The following UTRN variants were observed in gnomAD, a reference collection of about 807,000 sequenced individuals.
UTRN encodes the protein dystrophin-related protein 1.
UTRN carries 283 observed loss-of-function variants against 463.9 expected under a neutral mutation model. That is an observed-to-expected ratio of 0.61 (90% CI 0.55 to 0.67). The LOEUF (loss-of-function observed/expected upper bound fraction) is 0.67, where lower values mean the gene tolerates loss of function less well. Among genes scored for constraint, UTRN ranks in the 30% least tolerant of loss-of-function variants. UTRN has a pLI of 0.00. For synonymous variants in UTRN, 1,442 were observed against 1,431.5 expected (o/e 1.01, Z -0.17); for missense variants, 3,922 against 4,084.3 (o/e 0.96, Z 1.08).
intron 34 of UTRN, among the ~76,000 whole-genome samples, chr6:144,499,896 T>C (rs1794020562): frequency 1.3e-5 from 2 of 152,200 alleles, no homozygotes; most frequent in South Asian, 4.1e-4. Flanking sequence ...TTAATTCACT[T>C]AGGATAATGG....
chr6:144,834,114 T>G (rs1158156898), intron 69 of UTRN, among the ~76,000 whole-genome samples: 4 of 152,222 alleles, frequency 2.6e-5, no homozygotes, highest in Non-Finnish European at 4.4e-5. Context: ...CGCAGCTTAC[T>G]TCAATCCTTA....
chr6:144,511,153 ATCT>A lies in UTRN; in HGVS notation c.4944+34_4944+36del, dbSNP rs775921766. Reference sequence around the variant, plus strand: ...GTCTCAGGAAAAAGTAAATGATGAAATCTTCTCCTCTCTTCTAGTTATTTTTTA... The same window carrying A: ...GTCTCAGGAAAAAGTAAATGATGAAATCTCCTCTCTTCTAGTTATTTTTTA... On this transcript the variant is annotated intron_variant, in intron 35 of 74. Transcript: ENST00000367545. 4 of 1,457,932 alleles carry A rather than the reference ATCT, an allele frequency of 2.7e-6. 1 individual carries two copies. Among genetic ancestry groups the A allele is most frequent in the South Asian group, 3.0e-5 (2 of 67,364 alleles). The allele number at this position is 1,457,932 out of a possible 1,614,324, so 90.3% of individuals were successfully genotyped here.
chr6:144,480,309 A>T lies in UTRN; in HGVS notation c.3507+327A>T, dbSNP rs1286920103. 3.3e-5 allele frequency among the ~76,000 whole-genome samples: 5 copies of T among 152,170 alleles called. No homozygotes were observed. In the East Asian group the frequency reaches 9.7e-4, roughly 29 times the overall value. ...GAGGAAGAATGATCATTTTTTTTTAATTGGGGTAAATACATATAACATTGG... is the reference window on the plus strand; with the variant it reads ...GAGGAAGAATGATCATTTTTTTTTATTTGGGGTAAATACATATAACATTGG... On this transcript the variant is annotated intron_variant, in intron 26 of 74. Coordinates refer to ENST00000367545, the MANE Select transcript of UTRN (RefSeq NM_007124.3).
intron 51 of UTRN, among the ~76,000 whole-genome samples, chr6:144,654,221 G>A (rs1779107503): frequency 6.6e-6 from 1 of 152,198 alleles, no homozygotes; most frequent in African/African-American, 2.4e-5. Context: ...ATGCAGAATG[G>A]GTTCCTAAGT....
chr6:144,611,822 C>G (rs185072291), intron 51 of UTRN, among the ~76,000 whole-genome samples: 405 of 152,186 alleles, frequency 2.7e-3, no homozygotes, highest in Admixed American at 6.7e-3. Flanking sequence ...GTTAAAATTC[C>G]AGTGTCATTT....
intron 54 of UTRN, among the ~76,000 whole-genome samples, chr6:144,736,967 C>A (rs1789486034): frequency 6.6e-6 from 1 of 152,202 alleles, no homozygotes; most frequent in South Asian, 2.1e-4. Flanking sequence ...GCCGGCTCTG[C>A]TGGGGCTTTG....
chr6:144,743,502 G>A (rs28530178), intron 54 of UTRN, among the ~76,000 whole-genome samples: 4,815 of 152,172 alleles, frequency 0.032, 251 homozygotes, highest in African/African-American at 0.11. Flanking sequence ...ATTGAATTGA[G>A]GTAAAATAGA....
intron 44 of UTRN, among the ~76,000 whole-genome samples, chr6:144,538,451 C>T (rs571349348): frequency 5.1e-4 from 78 of 151,738 alleles, no homozygotes; most frequent in African/African-American, 1.8e-3. Context: ...GGGTGGATCA[C>T]AAGGTCATGA....
chr6:144,604,224 C>G (rs1804575807), intron 51 of UTRN, among the ~76,000 whole-genome samples: 2 of 152,084 alleles, frequency 1.3e-5, no homozygotes, highest in Non-Finnish European at 2.9e-5. Flanking sequence ...TAAGGTATGC[C>G]ATATATGCTG....
At chr6:144,817,422 T>TA (rs1472738139) in intron 65 of UTRN, among the ~76,000 whole-genome samples, 1 of 151,864 alleles carries the variant, frequency 6.6e-6, no homozygotes, top group Admixed American at 6.6e-5. Context: ...GTTATTTCCT[T>TA]AAAAAAAAGA....
At chr6:144,299,155 G>A (rs900125986) in intron 2 of UTRN, among the ~76,000 whole-genome samples, 7 of 152,166 alleles carry the variant, frequency 4.6e-5, no homozygotes, top group African/African-American at 1.7e-4. Context: ...TCTCACATAT[G>A]GAGTTCCTAA....
intron 60 of UTRN, among the ~76,000 whole-genome samples, chr6:144,780,138 A>G (rs1775689040): frequency 6.6e-6 from 1 of 152,220 alleles, no homozygotes; most frequent in South Asian, 2.1e-4. Flanking sequence ...AGTGGTTACA[A>G]ATGGATAAAT....
chr6:144,568,463 C>T (rs1176734779), intron 50 of UTRN, among the ~76,000 whole-genome samples: 1 of 152,108 alleles, frequency 6.6e-6, no homozygotes, highest in Non-Finnish European at 1.5e-5. Context: ...TTTCTCAATA[C>T]GTCCTCTAGC....
At chr6:144,485,796 T>C (rs373926726) in intron 28 of UTRN, among the ~76,000 whole-genome samples, 5 of 152,364 alleles carry the variant, frequency 3.3e-5, no homozygotes, top group African/African-American at 1.2e-4. Context: ...CAGTTTATTT[T>C]AGTAGGCCCT....
intron 2 of UTRN, among the ~76,000 whole-genome samples, chr6:144,345,411 A>T (rs1777481648): frequency 6.6e-6 from 1 of 152,206 alleles, no homozygotes; most frequent in Non-Finnish European, 1.5e-5. Flanking sequence ...ACAATGGCTC[A>T]TACCTGTAAT....
intron 28 of UTRN, among the ~76,000 whole-genome samples, chr6:144,485,919 C>A (rs929272766): frequency 1.2e-4 from 19 of 152,172 alleles, no homozygotes; most frequent in Non-Finnish European, 2.4e-4. Context: ...CTGTCTCTTA[C>A]CTTCAGATGC....
intron 2 of UTRN, among the ~76,000 whole-genome samples, chr6:144,370,204 A>G (rs1004636811): frequency 2.0e-5 from 3 of 152,188 alleles, no homozygotes; most frequent in Admixed American, 6.5e-5. Flanking sequence ...AGAGGTCTTC[A>G]CGGCAGCCCC....
Position 144,513,914 on chromosome 6 carries a change from TCAGAACCAG to T in UTRN, c.4952_4960del (p.Gln1651_Gln1653del). 6.2e-7 allele frequency: 1 copy of T among 1,613,700 alleles called. No homozygotes were observed. The highest frequency in any genetic ancestry group is 8.5e-7 in the Non-Finnish European group (1 of 1,179,828). ...TTTTATTAATTCCTTTGTAGAACCA[TCAGAACCAG>T]CTAGAAATATTTGATGGGAACGTGG... On this transcript the variant is annotated inframe_deletion, in exon 36 of 75. Coordinates refer to ENST00000367545, the MANE Select transcript of UTRN (RefSeq NM_007124.3).
chr6:144,789,358 T>C (rs1337745329), intron 62 of UTRN, 79 bp downstream of exon 62: 1 of 1,224,090 alleles, frequency 8.2e-7, no homozygotes, highest in African/African-American at 1.6e-5. Flanking sequence ...ACTTAAATTA[T>C]ATAATTTGTT....
Sources: gnomAD v4.1 joint callset for allele counts (sites outside exome capture counted in the v4.1 genomes callset) on GRCh38, gnomAD v4.1.1 for gene constraint, MANE v1.5 for transcripts, NCBI Gene and HGNC (gene_info 2026-07-23, HGNC 2026-07-21) for gene names.